Variants in HOOK2 observed in about 807,000 individuals in gnomAD.
The protein encoded by HOOK2 is protein Hook homolog 2.
In HOOK2, 108 loss-of-function variants were observed where a neutral mutation model predicts 111.9. That is an observed-to-expected ratio of 0.96 (90% CI 0.83 to 1.13). HOOK2 has a LOEUF of 1.13. Among genes scored for constraint, HOOK2 ranks in the 50% most tolerant of loss-of-function variants. HOOK2 has a pLI of 0.00. For missense variants in HOOK2, 978 were observed against 951.3 expected, an observed-to-expected ratio of 1.03 and a Z score of -0.37; for synonymous variants, 405 against 394.3, an observed-to-expected ratio of 1.03 and a Z score of -0.32.
chr19:12,790,068 G>C lies in HOOK2; in HGVS notation n.42-15843C>G, dbSNP rs1404512199. Among the ~76,000 whole-genome samples, 2 of 152,332 alleles carry C rather than the reference G, an allele frequency of 1.3e-5. No individual in the cohort carries two copies. The highest frequency in any genetic ancestry group is 3.9e-4 in the East Asian group (2 of 5,178). On this transcript the variant is annotated intron_variant and non_coding_transcript_variant, in intron 3 of 3. Transcript: ENST00000589765. This position sits in a 1 kb window ranked among gnomAD's most constrained non-coding sequence, Gnocchi z 7.2. The stretch of plus-strand genomic sequence containing the variant: ...CCTCGGCTGCGTCCCCCGCCGTCGG[G>C]CCAATGGAACACTCCCCAAGCCGCC...
upstream of HOOK2, among the ~76,000 whole-genome samples, chr19:12,779,666 G>C (rs1272210423): frequency 3.6e-4 from 55 of 152,122 alleles, no homozygotes; most frequent in Non-Finnish European, 2.9e-5. Context: ...AAATGTGCTG[G>C]TCTTTGTAGG....
At chr19:12,789,195 A>C (rs950927906) in intron 3 of HOOK2, among the ~76,000 whole-genome samples, 1 of 149,786 alleles carries the variant, frequency 6.7e-6, no homozygotes, top group African/African-American at 2.5e-5. Flanking sequence ...GAGAGAGACA[A>C]AGAGAGAGAG....
upstream of HOOK2, among the ~76,000 whole-genome samples, chr19:12,778,733 T>C (rs1431598865): frequency 6.6e-6 from 1 of 152,192 alleles, no homozygotes; most frequent in African/African-American, 2.4e-5. Flanking sequence ...CAAATTGACT[T>C]AAATTGTGCT....
upstream of HOOK2, chr19:12,775,626 G>T (rs1968482318): frequency 9.6e-6 from 5 of 519,736 alleles, no homozygotes; most frequent in Non-Finnish European, 1.4e-5. Flanking sequence ...GCCTCGGAAC[G>T]TAATCTCCTC....
At chr19:12,773,231 CTT>C (rs373156108) in intron 3 of HOOK2, 187 bp from the exon 4 acceptor site, 28,365 of 248,274 alleles carry the variant, frequency 0.11, 102 homozygotes, top group South Asian at 0.16. Context: ...ATCTTTGTTT[CTT>C]TTTTTTTTTT....
intron 11 of HOOK2, 75 bp from the exon 12 acceptor site, chr19:12,768,198 G>C: frequency 8.7e-7 from 1 of 1,148,962 alleles, no homozygotes; most frequent in Non-Finnish European, 1.3e-6. Context: ...AATGGTCCCC[G>C]ATCCAGGATG....
upstream of HOOK2, among the ~76,000 whole-genome samples, chr19:12,782,511 G>A (rs1022121399): frequency 1.3e-5 from 2 of 152,254 alleles, no homozygotes; most frequent in African/African-American, 2.4e-5. Context: ...CCCTCCGGGA[G>A]GCGCCCTCCC....
chr19:12,775,233 C>T, intron 1 of HOOK2, 172 bp downstream of exon 1: 1 of 985,392 alleles, frequency 1.0e-6, no homozygotes, highest in Non-Finnish European at 1.2e-6. Context: ...CCTTTCCACG[C>T]AGACTTGCCA....
At chr19:12,764,966 C>G (rs759728195) in intron 19 of HOOK2, 33 bp downstream of exon 19, 12 of 1,613,862 alleles carry the variant, frequency 7.4e-6, no homozygotes, top group Non-Finnish European at 1.0e-5. Context: ...GCTCTGGGAT[C>G]TCCCCACCCT....
chr19:12,763,640 G>A, intron 21 of HOOK2, 28 bp downstream of exon 21: 3 of 1,613,762 alleles, frequency 1.9e-6, no homozygotes, highest in Non-Finnish European at 1.7e-6. Flanking sequence ...ATACGTTGGA[G>A]GCAGCGTAAA....
At chr19:12,765,749 A>G (rs1212977428) in intron 17 of HOOK2, 25 bp from the exon 18 acceptor site, 20 of 1,613,968 alleles carry the variant, frequency 1.2e-5, no homozygotes, top group East Asian at 2.2e-5. Flanking sequence ...AGGCAAGGTG[A>G]GTGGGGGATC....
chr19:12,770,084 T>A lies in HOOK2; in HGVS notation c.903-2A>T, dbSNP rs1968272351. ...TGCCCAGCACGCTCCGAAGACTGCCTAGGGGAGTGGGAGGGAAGGGGGAGG... is the reference window on the plus strand; with the variant it reads ...TGCCCAGCACGCTCCGAAGACTGCCAAGGGGAGTGGGAGGGAAGGGGGAGG... On this transcript the variant is annotated splice_acceptor_variant, in intron 10 of 22. Transcript: ENST00000397668. LOFTEE classifies it high-confidence loss of function. 1.3e-6 allele frequency: 2 copies of A among 1,492,164 alleles called. No homozygotes were observed. Among genetic ancestry groups the A allele is most frequent in the Admixed American group, 2.2e-5 (1 of 45,538 alleles). The allele number at this position is 1,492,164 out of a possible 1,614,324, so 92.4% of individuals were successfully genotyped here.
upstream of HOOK2, among the ~76,000 whole-genome samples, chr19:12,779,530 G>C (rs1297401139): frequency 6.6e-6 from 1 of 152,078 alleles, no homozygotes; most frequent in African/African-American, 2.4e-5. Context: ...AGGTTTTTTT[G>C]TGTTTTTGAG....
rs1343682145 is a variant in HOOK2 at position 12,790,125 on chromosome 19, C to A, written n.42-15900G>T. Among the ~76,000 whole-genome samples, 1 of 152,120 alleles carries A rather than the reference C, an allele frequency of 6.6e-6. No individual in the cohort carries two copies. Among genetic ancestry groups the A allele is most frequent in the Non-Finnish European group, 1.5e-5 (1 of 68,010 alleles). ...CGCGGTCCCCTGCAGGCACCGCGGG[C>A]GGAACCATTGCTTGAGGGGAGAGGA... On this transcript the variant is annotated intron_variant and non_coding_transcript_variant, in intron 3 of 3. Coordinates refer to the HOOK2 transcript ENST00000589765. The surrounding 1 kb of genome is among the most constrained non-coding windows in gnomAD (Gnocchi z 7.2).
chr19:12,766,313 G>A, intron 14 of HOOK2, 73 bp from the exon 15 acceptor site: 1 of 1,451,002 alleles, frequency 6.9e-7, no homozygotes, highest in Non-Finnish European at 9.1e-7. Context: ...CAGGGAGAGT[G>A]GAGCTAGGGG....
rs1166983404 is a variant in HOOK2, at chr19:12,763,296, T to C, written c.2146A>G (p.Thr716Ala). The C allele has an allele frequency of 1.2e-6, 2 of 1,613,442 alleles. No homozygotes were observed. The stretch of plus-strand genomic sequence containing the variant: ...TGTGAGGTCTGTCAGTGCTTGTCAG[T>C]GGGGCGAAGGTTCAGAGATGCCAGG... ...GRLASLNLRPTDKH is the reference protein window; with the variant it reads ...GRLASLNLRPADKH Residue 716 changes from threonine (T) to alanine (A), a missense_variant, in exon 23 of 23, where the codon ACT becomes GCT. Coordinates refer to ENST00000397668, the MANE Select transcript of HOOK2 (RefSeq NM_013312.3).
At chr19:12,778,866 G>A (rs1380471053), upstream of HOOK2, among the ~76,000 whole-genome samples, 1 of 152,172 alleles carries the variant, frequency 6.6e-6, no homozygotes, top group African/African-American at 2.4e-5. Context: ...GCGGCGGCAG[G>A]GAGTCCCACA....
At position 12,772,778 on chromosome 19, in the gene HOOK2, A is replaced by G. The variant is rs762966031; in HGVS notation, c.388+2T>C. 23 of 1,613,934 alleles carry G rather than the reference A, an allele frequency of 1.4e-5. No individual in the cohort carries two copies. The highest frequency in any genetic ancestry group is 1.8e-5 in the Non-Finnish European group (21 of 1,179,948). On this transcript the variant is annotated splice_donor_variant, in intron 5 of 22. Coordinates refer to ENST00000397668, the MANE Select transcript of HOOK2 (RefSeq NM_013312.3). LOFTEE classifies it high-confidence loss of function. ...CCTGGGGACCCCCTAAGCTCCCCAT[A>G]CCCTGCTTTTTCTCGCAACTGATGG...
chr19:12,769,614 G>C (rs1377371614), intron 11 of HOOK2, among the ~76,000 whole-genome samples: 3 of 152,182 alleles, frequency 2.0e-5, no homozygotes, highest in Non-Finnish European at 4.4e-5. Context: ...CACGAGTTTT[G>C]TTACATGGTT....
Sources: gnomAD v4.1 joint callset for allele counts (sites outside exome capture counted in the v4.1 genomes callset) on GRCh38, gnomAD v4.1.1 for gene constraint, Gnocchi (gnomAD v3.1) non-coding constraint, MANE v1.5 for transcripts, NCBI Gene and HGNC (gene_info 2026-07-23, HGNC 2026-07-21) for gene names.